BMP2K: variants seen among roughly 807,000 people sequenced by gnomAD.
BMP2K encodes the protein BMP-2-inducible protein kinase.
BMP2K carries 74 observed loss-of-function variants against 116.0 expected under a neutral mutation model. The ratio of observed to expected loss-of-function variants is 0.64; its 90% CI spans 0.53 to 0.77. BMP2K has a LOEUF of 0.77. Ranked by LOEUF, BMP2K falls within the 30% of genes least tolerant of loss-of-function variation. The probability of loss-of-function intolerance (pLI) is 0.00; values close to 1 mark genes in which losing one functional copy is unlikely to be tolerated. For missense variants in BMP2K, 1,365 were observed against 1,403.6 expected, an observed-to-expected ratio of 0.97 and a Z score of 0.44; for synonymous variants, 486 against 502.5, an observed-to-expected ratio of 0.97 and a Z score of 0.44.
chr4:78,819,271 T>TA (rs1263844483), intron 1 of BMP2K, among the ~76,000 whole-genome samples: 1 of 152,044 alleles, frequency 6.6e-6, no homozygotes. Context: ...AAAGTGTTGG[T>TA]ATTACAGGTG....
intron 13 of BMP2K, among the ~76,000 whole-genome samples, chr4:78,873,664 GTGTGTGTGTGTGTGTGTGT>G: frequency 2.0e-5 from 1 of 50,458 alleles, no homozygotes; most frequent in African/African-American, 4.7e-4. Flanking sequence ...ACCTCTGTGT[GTGTGTGTGTGTGTGTGTGT>G]GTGTGTGTGT....
intron 2 of BMP2K, among the ~76,000 whole-genome samples, chr4:78,829,777 T>TC: frequency 1.0e-5 from 1 of 96,542 alleles, no homozygotes; most frequent in South Asian, 3.4e-4. Flanking sequence ...TTTCTTTTCT[T>TC]TTCTTTTCTT....
chr4:78,776,472 C>A lies in BMP2K; in HGVS notation c.-72C>A. ...GCCAGGGGCGGCGACCCCTCGCGGA[C>A]GCCCGGCTGCGCGCCGGGCCGGGGA... On this transcript the variant is annotated 5_prime_UTR_variant, in exon 1 of 16. Transcript: ENST00000502613. 3 of 1,104,272 alleles carry A rather than the reference C, an allele frequency of 2.7e-6. No individual in the cohort carries two copies. Among genetic ancestry groups the A allele is most frequent in the Non-Finnish European group, 3.3e-6 (3 of 906,436 alleles). The allele number at this position is 1,104,272 out of a possible 1,614,324, so 68.4% of individuals were successfully genotyped here.
chr4:78,805,287 C>T (rs1356288415), intron 1 of BMP2K, among the ~76,000 whole-genome samples: 2 of 152,174 alleles, frequency 1.3e-5, no homozygotes, highest in African/African-American at 2.4e-5. Flanking sequence ...TACCTTCTAC[C>T]AGTACCACAC....
At chr4:78,848,129 T>A (rs916348756) in intron 6 of BMP2K, among the ~76,000 whole-genome samples, 6 of 151,588 alleles carry the variant, frequency 4.0e-5, no homozygotes, top group Non-Finnish European at 7.4e-5. Flanking sequence ...TACCAAAGTC[T>A]TGAGAGACAG....
At chr4:78,787,254 G>A (rs1439310702) in intron 1 of BMP2K, among the ~76,000 whole-genome samples, 1 of 152,154 alleles carries the variant, frequency 6.6e-6, no homozygotes. Flanking sequence ...TTGAAGTTCT[G>A]TCCATTTTAA....
chr4:78,818,838 C>G (rs1389418775), intron 1 of BMP2K, among the ~76,000 whole-genome samples: 4 of 150,220 alleles, frequency 2.7e-5, no homozygotes, highest in Non-Finnish European at 5.9e-5. Flanking sequence ...GCTTTGTCGC[C>G]CAGGCTGGAG....
intron 15 of BMP2K, among the ~76,000 whole-genome samples, chr4:78,907,271 A>G (rs1031135934): frequency 2.0e-5 from 3 of 152,222 alleles, no homozygotes; most frequent in Admixed American, 2.0e-4. Flanking sequence ...TACAACTTTG[A>G]TAAATGGACA....
At chr4:78,881,206 TTC>T (rs1732864932) in intron 14 of BMP2K, among the ~76,000 whole-genome samples, 1 of 152,236 alleles carries the variant, frequency 6.6e-6, no homozygotes, top group Admixed American at 6.5e-5. Context: ...AAATGCCACT[TTC>T]TCTTTTCTCA....
At chr4:78,785,967 C>T (rs1727705432) in intron 1 of BMP2K, among the ~76,000 whole-genome samples, 2 of 152,162 alleles carry the variant, frequency 1.3e-5, no homozygotes, top group South Asian at 4.1e-4. Context: ...TTCAGGACCC[C>T]CTGACCTGAA....
intron 4 of BMP2K, among the ~76,000 whole-genome samples, chr4:78,843,624 G>A (rs931100757): frequency 6.6e-6 from 1 of 151,854 alleles, no homozygotes; most frequent in Non-Finnish European, 1.5e-5. Context: ...AATCATGAAA[G>A]CATCATCTAG....
At chr4:78,907,101 A>C (rs1238121971) in intron 15 of BMP2K, among the ~76,000 whole-genome samples, 1 of 152,206 alleles carries the variant, frequency 6.6e-6, no homozygotes, top group African/African-American at 2.4e-5. Context: ...TAAATATTCT[A>C]TTGCTAAATA....
chr4:78,831,935 A>G (rs1031119239), intron 2 of BMP2K, among the ~76,000 whole-genome samples: 7 of 152,000 alleles, frequency 4.6e-5, no homozygotes, highest in African/African-American at 1.7e-4. Flanking sequence ...GAGTGCTTAC[A>G]CACAAGCACA....
chr4:78,864,382 CAT>C (rs374541782), intron 9 of BMP2K, among the ~76,000 whole-genome samples: 2 of 151,266 alleles, frequency 1.3e-5, no homozygotes, highest in South Asian at 4.2e-4. Context: ...TAATTGATTA[CAT>C]ATATATATAC....
At chr4:78,788,188 T>C (rs1727820919) in intron 1 of BMP2K, among the ~76,000 whole-genome samples, 1 of 152,062 alleles carries the variant, frequency 6.6e-6, no homozygotes, top group East Asian at 1.9e-4. Flanking sequence ...TCTATTTTTT[T>C]ATACAGGCAC....
Position 78,911,047 on chromosome 4 carries a change from A to G in BMP2K, c.2500A>G (p.Thr834Ala). The change falls in exon 16 of 16, where the codon ACA becomes GCA. Residue 834 changes from threonine (T) to alanine (A), a missense_variant. By Grantham distance (58) the Thr-to-Ala change is moderately conservative. This residue lies in a region of BMP2K where 596 missense variants were observed against 623.2 expected (regional missense o/e 0.96). Transcript: ENST00000502613. Reference sequence around the variant, plus strand: ...CAGTGGACCAACCCAAGATCTTAATACAATACTCCTCACCTCAGCCCAATT... The same window carrying G: ...CAGTGGACCAACCCAAGATCTTAATGCAATACTCCTCACCTCAGCCCAATT... ...SGSGPTQDLN[T>A]ILLTSAQLSS... 1 of 1,613,894 alleles carries G rather than the reference A, an allele frequency of 6.2e-7. No individual in the cohort carries two copies.
intron 7 of BMP2K, among the ~76,000 whole-genome samples, chr4:78,858,303 T>A (rs1560531861): frequency 6.6e-6 from 1 of 151,958 alleles, no homozygotes; most frequent in Non-Finnish European, 1.5e-5. Flanking sequence ...ATAAAATAAA[T>A]TTTGTAGATT....
Position 78,911,271 on chromosome 4 carries a change from T to C in BMP2K, c.2724T>C (p.Asn908=), listed in dbSNP as rs780642619. Residue 908 remains asparagine, a synonymous_variant, in exon 16 of 16, where the codon AAT becomes AAC. Transcript: ENST00000502613. ...AGGCGCCTTTTAGCAAGAAGGTGAA[T>C]GTACAAGAATGCCATGCAGTGGGGC... ...FTKAPFSKKV[N]VQECHAVGPE... 5 of 1,613,864 alleles carry C rather than the reference T, an allele frequency of 3.1e-6. No homozygotes were observed. Among genetic ancestry groups the C allele is most frequent in the Admixed American group, 3.3e-5 (2 of 60,000 alleles).
intron 1 of BMP2K, among the ~76,000 whole-genome samples, chr4:78,823,001 T>G (rs990333599): frequency 6.6e-6 from 1 of 152,140 alleles, no homozygotes; most frequent in Non-Finnish European, 1.5e-5. Context: ...ATCAGAAAAT[T>G]ATTGAAAAGA....
Sources: allele counts gnomAD v4.1 joint callset (sites outside exome capture counted in the v4.1 genomes callset), GRCh38; gene constraint gnomAD v4.1.1; regional missense constraint gnomAD v4.1.1; transcripts MANE v1.5; gene names NCBI Gene and HGNC (gene_info 2026-07-23, HGNC 2026-07-21).